FMNL3: variants seen among roughly 807,000 people sequenced by gnomAD.
The protein encoded by FMNL3 is formin-like protein 3.
In FMNL3, 57 loss-of-function variants were observed where a neutral mutation model predicts 119.6. The observed-to-expected ratio is 0.48, with a 90% CI of 0.39 to 0.59. FMNL3 has a LOEUF of 0.59. Ranked by LOEUF, FMNL3 falls within the 20% of genes least tolerant of loss-of-function variation. FMNL3 has a pLI of 0.00. For synonymous variants in FMNL3, 491 were observed against 507.3 expected (o/e 0.97, Z 0.43); for missense variants, 1,053 against 1,323.5 (o/e 0.80, Z 3.17).
Position 49,644,662 on chromosome 12 carries a change from C to T in FMNL3, c.*1153G>A, listed in dbSNP as rs931601556. ...GTTTTTTAAATAACAATATTTATAA[C>T]ATGGCCAGTGACTCTTTTCCATGTG... On this transcript the variant is annotated 3_prime_UTR_variant, in exon 26 of 26. Transcript: ENST00000335154. 3 of 180,938 alleles carry T rather than the reference C, an allele frequency of 1.7e-5. No individual in the cohort carries two copies. The highest frequency in any genetic ancestry group is 3.6e-5 in the Non-Finnish European group (3 of 83,326). 11.2% of individuals were successfully genotyped at this position (180,938 alleles called of 1,614,324 possible).
intron 1 of FMNL3, chr12:49,688,596 T>C (rs1372575164): frequency 8.9e-6 from 4 of 449,162 alleles, no homozygotes; most frequent in African/African-American, 4.0e-5. Flanking sequence ...TCTTTATATA[T>C]AGCTATGATG....
rs373950353 is a variant in FMNL3 at position 49,648,363 on chromosome 12, A to G, written c.2516-10T>C. The G allele has an allele frequency of 1.2e-6, 2 of 1,606,618 alleles. No homozygotes were observed. The highest frequency in any genetic ancestry group is 2.7e-5 in the African/African-American group (2 of 74,738). On this transcript the variant is annotated splice_polypyrimidine_tract_variant and intron_variant, in intron 21 of 25. Transcript: ENST00000335154. ...ACGTTCTCCAGGGACACTGGTCACC[A>G]AAAGCCTGGCTGAGGAATGCCTAGG...
intron 11 of FMNL3, among the ~76,000 whole-genome samples, 153 bp from the exon 12 acceptor site, chr12:49,654,027 G>T (rs77006204): frequency 6.6e-6 from 1 of 152,186 alleles, no homozygotes. Flanking sequence ...CCATGGAGCT[G>T]CCTGACTGGG....
At chr12:49,680,550 G>C (rs962509299) in intron 1 of FMNL3, among the ~76,000 whole-genome samples, 1 of 152,178 alleles carries the variant, frequency 6.6e-6, no homozygotes, top group African/African-American at 2.4e-5. Context: ...ACTTGACATA[G>C]AGGTCTAGGC....
Position 49,648,204 on chromosome 12 carries a change from T to A in FMNL3, c.2665A>T (p.Lys889Ter). ...CACCCCGTGCTTGCCTCAGCCGTCT[T>A]GGCGTCCCGCTGGAGCTTGTCTAGT... is the stretch of plus-strand genomic sequence containing the variant. Reference protein sequence around the residue: ...GKLDKLQRDAKTAEEAYNAVV... With the variant: ...GKLDKLQRDA Residue 889 changes from lysine to a stop codon, truncating the protein, a stop_gained, in exon 22 of 26, where the codon AAG becomes TAG. Coordinates refer to ENST00000335154, the MANE Select transcript of FMNL3 (RefSeq NM_175736.5). LOFTEE classifies it high-confidence loss of function. 6.2e-7 allele frequency: 1 copy of A among 1,613,272 alleles called. No homozygotes were observed. The highest frequency in any genetic ancestry group is 8.5e-7 in the Non-Finnish European group (1 of 1,179,590).
Position 49,643,730 on chromosome 12 carries a change from C to CT in FMNL3, c.*2084dup. 6.2e-7 allele frequency: 1 copy of CT among 1,614,136 alleles called. No homozygotes were observed. The highest frequency in any genetic ancestry group is 8.5e-7 in the Non-Finnish European group (1 of 1,180,004). On this transcript the variant is annotated 3_prime_UTR_variant, in exon 26 of 26. Transcript: ENST00000335154. ...AAAGCCAAGAAACCAAAAAAGAAAA[C>CT]TAAGAAGAGAAGACACAAGTCGGTG...
chr12:49,649,138 A>C lies in FMNL3; in HGVS notation c.2406T>G (p.Thr802=). 2.5e-6 allele frequency: 4 copies of C among 1,613,452 alleles called. No individual in the cohort carries two copies. The highest frequency in any genetic ancestry group is 2.5e-6 in the Non-Finnish European group (3 of 1,179,640). Residue 802 remains threonine, a synonymous_variant, in exon 21 of 26, where the codon ACT becomes ACG. Transcript: ENST00000335154. The surrounding 1 kb of genome is among the most constrained non-coding windows in gnomAD (Gnocchi z 5.6). ...AATGAAGCAGTGTCATCTTCCGGTCAGTGGACTTGGTATCCAGCAGCTAGG... is the reference window on the plus strand; with the variant it reads ...AATGAAGCAGTGTCATCTTCCGGTCCGTGGACTTGGTATCCAGCAGCTAGG... ...SLDLLLDTKS[T]DRKMTLLHFI...
Position 49,641,690 on chromosome 12 carries a change from C to T in FMNL3, c.*4125G>A. On this transcript the variant is annotated 3_prime_UTR_variant, in exon 26 of 26. Coordinates refer to ENST00000335154, the MANE Select transcript of FMNL3 (RefSeq NM_175736.5). ...GCAGTTGGGAGACATCTCCCAACCC[C>T]TTCAGCTCTGTGTGACATCCAAACC... 1 of 569,552 alleles carries T rather than the reference C, an allele frequency of 1.8e-6. No homozygotes were observed. Among genetic ancestry groups the T allele is most frequent in the South Asian group, 2.3e-5 (1 of 43,870 alleles). The allele number at this position is 569,552 out of a possible 1,614,324, so 35.3% of individuals were successfully genotyped here. A position where few individuals can be genotyped will look rare whatever the true frequency, so the allele number is the denominator to read the frequency against.
At chr12:49,653,107 A>C in intron 13 of FMNL3, 119 bp downstream of exon 13, 1 of 944,506 alleles carries the variant, frequency 1.1e-6, no homozygotes, top group Non-Finnish European at 1.7e-6. Context: ...TGAGTACCTC[A>C]AGGGTGAATC....
chr12:49,647,305 C>G lies in FMNL3; in HGVS notation c.2842G>C (p.Ala948Pro), dbSNP rs1943234713. ...GCATCCAGTTTCTTGGCTTCCTGAG[C>G]CAGCTGCTTCTCCCGCATTACCTCC... ...QEEVMREKQL[A>P]QEAKKLDAKT... Residue 948 changes from alanine to proline, a missense_variant, in exon 24 of 26, where the codon GCT becomes CCT. Ala to Pro is a conservative substitution (Grantham distance 27). Coordinates refer to ENST00000335154, the MANE Select transcript of FMNL3 (RefSeq NM_175736.5). This position sits in a 1 kb window ranked among gnomAD's most constrained non-coding sequence, Gnocchi z 4.9. 1 of 1,613,926 alleles carries G rather than the reference C, an allele frequency of 6.2e-7. No homozygotes were observed. The highest frequency in any genetic ancestry group is 1.3e-5 in the African/African-American group (1 of 74,914).
At position 49,642,193 on chromosome 12, in the gene FMNL3, A is replaced by G. The variant is rs772077896; in HGVS notation, c.*3622T>C. 1.2e-6 allele frequency: 2 copies of G among 1,613,552 alleles called. No individual in the cohort carries two copies. Among genetic ancestry groups the G allele is most frequent in the African/African-American group, 1.3e-5 (1 of 74,972 alleles). ...TATGCCTGAGTGGGACCTGGCATCC[A>G]CCCTCCTGGGTGACCCTGTTCCGTG... On this transcript the variant is annotated 3_prime_UTR_variant, in exon 26 of 26. Coordinates refer to ENST00000335154, the MANE Select transcript of FMNL3 (RefSeq NM_175736.5). This position sits in a 1 kb window ranked among gnomAD's most constrained non-coding sequence, Gnocchi z 5.8.
At chr12:49,661,842 C>T in intron 5 of FMNL3, 124 bp downstream of exon 5, 1 of 936,944 alleles carries the variant, frequency 1.1e-6, no homozygotes, top group East Asian at 2.4e-5. Flanking sequence ...TTGGGCTACT[C>T]CTTCCTGTCC....
chr12:49,700,845 C>T (rs375832186), intron 1 of FMNL3, among the ~76,000 whole-genome samples: 3 of 151,036 alleles, frequency 2.0e-5, no homozygotes, highest in Non-Finnish European at 4.4e-5. Flanking sequence ...TTTGGGAGGC[C>T]GAGGTGGGTA....
chr12:49,689,470 A>C (rs1167178544), intron 1 of FMNL3, among the ~76,000 whole-genome samples: 1 of 152,180 alleles, frequency 6.6e-6, no homozygotes, highest in African/African-American at 2.4e-5. Flanking sequence ...ACGATGGCTC[A>C]TGTCTACAAT....
intron 1 of FMNL3, among the ~76,000 whole-genome samples, chr12:49,675,116 C>A (rs970736804): frequency 6.6e-6 from 1 of 152,178 alleles, no homozygotes; most frequent in Non-Finnish European, 1.5e-5. Context: ...GGCCTCATAC[C>A]TGACATGAGA....
chr12:49,648,976 G>T, intron 21 of FMNL3, 53 bp downstream of exon 21: 1 of 1,527,588 alleles, frequency 6.5e-7, no homozygotes, highest in South Asian at 1.3e-5. Flanking sequence ...AGCTTCCTGG[G>T]ATTGTCCTGG....
At chr12:49,703,151 G>A (rs1944954396) in intron 1 of FMNL3, among the ~76,000 whole-genome samples, 1 of 152,138 alleles carries the variant, frequency 6.6e-6, no homozygotes, top group Non-Finnish European at 1.5e-5. Context: ...TAGACTCCAT[G>A]TCAAGTCTGT....
chr12:49,696,496 G>A (rs1250118463), intron 1 of FMNL3, among the ~76,000 whole-genome samples: 2 of 152,192 alleles, frequency 1.3e-5, no homozygotes, highest in Non-Finnish European at 2.9e-5. Context: ...ACCTACAGTT[G>A]TTATACTGTT....
chr12:49,647,252 G>A lies in FMNL3; in HGVS notation c.2871+24C>T, dbSNP rs1049805410. On this transcript the variant is annotated intron_variant, in intron 24 of 25. Coordinates refer to ENST00000335154, the MANE Select transcript of FMNL3 (RefSeq NM_175736.5). The surrounding 1 kb of genome is among the most constrained non-coding windows in gnomAD (Gnocchi z 4.9). ...ACTCTTTTGCCTTGTCGTCCTCCAG[G>A]CCCCAGCTCTTGGTCCCACCCACCT... 6 of 1,613,076 alleles carry A rather than the reference G, an allele frequency of 3.7e-6. No homozygotes were observed. The highest frequency in any genetic ancestry group is 5.1e-6 in the Non-Finnish European group (6 of 1,179,272).
Sources: allele counts gnomAD v4.1 joint callset (sites outside exome capture counted in the v4.1 genomes callset), GRCh38; gene constraint gnomAD v4.1.1; non-coding constraint Gnocchi (gnomAD v3.1); transcripts MANE v1.5; gene names NCBI Gene and HGNC (gene_info 2026-07-23, HGNC 2026-07-21).